The following SIAH2 variants were observed in gnomAD, a reference collection of about 807,000 sequenced individuals.
The protein encoded by SIAH2 is E3 ubiquitin-protein ligase SIAH2.
In SIAH2, 4 loss-of-function variants were observed where a neutral mutation model predicts 20.4. The ratio of observed to expected loss-of-function variants is 0.20; its 90% CI spans 0.10 to 0.45. SIAH2 has a LOEUF of 0.45. SIAH2 is among the 20% of genes least tolerant of loss of function. SIAH2 has a pLI of 0.99. For synonymous variants in SIAH2, 171 were observed against 192.5 expected (o/e 0.89, Z 0.93); for missense variants, 259 against 440.3 (o/e 0.59, Z 3.69).
At chr3:150,755,104 C>T (rs1714455358) in intron 1 of SIAH2, among the ~76,000 whole-genome samples, 1 of 151,984 alleles carries the variant, frequency 6.6e-6, no homozygotes, top group African/African-American at 2.4e-5. Context: ...GTCCTCAAGG[C>T]AACCTTGAGG....
Position 150,741,921 on chromosome 3 carries a change from A to G in SIAH2, c.*220T>C. The G allele has an allele frequency of 1.8e-6, 1 of 557,224 alleles. No individual in the cohort carries two copies. Among genetic ancestry groups the G allele is most frequent in the Non-Finnish European group, 3.2e-6 (1 of 311,078 alleles). The allele number at this position is 557,224 out of a possible 1,614,324, so 34.5% of individuals were successfully genotyped here. A position where few individuals can be genotyped will look rare whatever the true frequency, so the allele number is the denominator to read the frequency against. On this transcript the variant is annotated 3_prime_UTR_variant, in exon 2 of 2. Coordinates refer to ENST00000312960, the MANE Select transcript of SIAH2 (RefSeq NM_005067.7). The stretch of plus-strand genomic sequence containing the variant: ...TACAATTCAATAAGAGTTGTTTTAG[A>G]TCACAGAACAGCATCCAAATCACCA...
chr3:150,743,997 T>C (rs1714157473), intron 1 of SIAH2, among the ~76,000 whole-genome samples: 1 of 151,220 alleles, frequency 6.6e-6, no homozygotes, highest in South Asian at 2.1e-4. Flanking sequence ...TTTTCTAAGA[T>C]GCTATGTCCA....
chr3:150,742,165 A>T lies in SIAH2; in HGVS notation c.951T>A (p.Val317=), dbSNP rs1714101516. The T allele has an allele frequency of 6.2e-7, 1 of 1,612,482 alleles. No homozygotes were observed. Among genetic ancestry groups the T allele is most frequent in the Admixed American group, 1.7e-5 (1 of 59,980 alleles). ...ATCATGGACAACATGTAGAAATAGT[A>T]ACATTGATTCCAAGGTTCCCATTAT... is the stretch of plus-strand genomic sequence containing the variant. ...FADNGNLGIN[V]TISTCCP Residue 317 remains valine, a synonymous_variant, in exon 2 of 2, where the codon GTT becomes GTA. Coordinates refer to ENST00000312960, the MANE Select transcript of SIAH2 (RefSeq NM_005067.7). The surrounding 1 kb of genome is among the most constrained non-coding windows in gnomAD (Gnocchi z 4.8).
At position 150,742,421 on chromosome 3, in the gene SIAH2, A is replaced by G. The variant is rs758387736; in HGVS notation, c.695T>C (p.Val232Ala). Reference protein sequence around the residue: ...QSCFGHHFMLVLEKQEKYEGH... With the variant: ...QSCFGHHFMLALEKQEKYEGH... ...TTCGTACTTCTCTTGTTTCTCCAGC[A>G]CCAGCATGAAGTGATGGCCAAAACA... The change falls in exon 2 of 2, where the codon GTG (valine) becomes GCG (alanine). Residue 232 changes from valine (V) to alanine (A), a missense_variant. Around this residue, in one of 2 missense-constraint regions of SIAH2, gnomAD observed 160 missense variants for 327.6 expected, o/e 0.49. Transcript: ENST00000312960. The surrounding 1 kb of genome is among the most constrained non-coding windows in gnomAD (Gnocchi z 4.8). The G allele has an allele frequency of 6.2e-7, 1 of 1,614,094 alleles. No individual in the cohort carries two copies. Among genetic ancestry groups the G allele is most frequent in the African/African-American group, 1.3e-5 (1 of 74,938 alleles).
intron 1 of SIAH2, among the ~76,000 whole-genome samples, chr3:150,752,499 A>C (rs1378955232): frequency 6.6e-6 from 1 of 152,088 alleles, no homozygotes; most frequent in Non-Finnish European, 1.5e-5. Flanking sequence ...ATGCCAGCTA[A>C]TCGGGAGGCT....
intron 1 of SIAH2, among the ~76,000 whole-genome samples, chr3:150,745,501 C>CT (rs528343423): frequency 0.048 from 6,908 of 144,674 alleles, 383 homozygotes; most frequent in African/African-American, 0.13. Context: ...GTTTTCTTTT[C>CT]TTTTTTTTTT....
Position 150,742,352 on chromosome 3 carries a change from C to T in SIAH2, c.764G>A (p.Arg255His), listed in dbSNP as rs762000043. 6.2e-6 allele frequency: 10 copies of T among 1,614,044 alleles called. No individual in the cohort carries two copies. The African/African-American group carries it at 9.3e-5, about 15-fold the overall frequency. The change falls in exon 2 of 2, where the codon CGC becomes CAC. Residue 255 changes from arginine (R) to histidine (H), a missense_variant. Around this residue, in one of 2 missense-constraint regions of SIAH2, gnomAD observed 160 missense variants for 327.6 expected, o/e 0.49. Transcript: ENST00000312960. The surrounding 1 kb of genome is among the most constrained non-coding windows in gnomAD (Gnocchi z 4.8). ...FFAIVLLIGT[R>H]KQAENFAYRL... ...GTAGGCAAAGTTCTCGGCTTGCTTGCGGGTGCCAATGAGCAGGACGATGGC... is the reference window on the plus strand; with the variant it reads ...GTAGGCAAAGTTCTCGGCTTGCTTGTGGGTGCCAATGAGCAGGACGATGGC...
intron 1 of SIAH2, among the ~76,000 whole-genome samples, chr3:150,747,770 A>G (rs1049943540): frequency 4.6e-5 from 7 of 152,016 alleles, no homozygotes; most frequent in South Asian, 2.1e-4. Context: ...GTGAAACCCC[A>G]TCTCTACTAA....
In SIAH2 at chr3:150,761,598, A is replaced by T. The variant is rs73010942; in HGVS notation, c.417+835T>A. Among the ~76,000 whole-genome samples, 202 of 152,320 alleles carry T rather than the reference A, an allele frequency of 1.3e-3. 2 individuals are homozygous for T. The highest frequency in any genetic ancestry group is 4.5e-3 in the African/African-American group (189 of 41,558). ...GCGAGGGTGTATGTATATATAGTTT[A>T]AAAAGATACACACTAAACCTAACAA... On this transcript the variant is annotated intron_variant, in intron 1 of 1. Coordinates refer to ENST00000312960, the MANE Select transcript of SIAH2 (RefSeq NM_005067.7).
At chr3:150,749,584 G>A (rs1220235064) in intron 1 of SIAH2, among the ~76,000 whole-genome samples, 2 of 152,148 alleles carry the variant, frequency 1.3e-5, no homozygotes, top group Non-Finnish European at 1.5e-5. Context: ...GACAGAAATG[G>A]TTTATGCAGA....
intron 1 of SIAH2, among the ~76,000 whole-genome samples, chr3:150,745,466 C>T (rs1217874253): frequency 2.6e-5 from 4 of 151,912 alleles, no homozygotes; most frequent in African/African-American, 7.3e-5. Context: ...AGCCAAGTCT[C>T]ACTGGCCCCT....
chr3:150,761,654 T>A (rs1180575307), intron 1 of SIAH2, among the ~76,000 whole-genome samples: 1 of 152,214 alleles, frequency 6.6e-6, no homozygotes, highest in African/African-American at 2.4e-5. Flanking sequence ...GATCTTGGTC[T>A]TTCATTTTAC....
chr3:150,745,240 T>TACACACACAC (rs5853495), intron 1 of SIAH2, among the ~76,000 whole-genome samples: 2,624 of 140,618 alleles, frequency 0.019, 29 homozygotes, highest in East Asian at 0.044. Context: ...TTTAACCCCC[T>TACACACACAC]ACACACACAC....
At chr3:150,759,645 C>T (rs551618935) in intron 1 of SIAH2, among the ~76,000 whole-genome samples, 1 of 151,550 alleles carries the variant, frequency 6.6e-6, no homozygotes, top group South Asian at 2.1e-4. Flanking sequence ...TGTGATTTGA[C>T]AAGTCACTTC....
intron 1 of SIAH2, among the ~76,000 whole-genome samples, chr3:150,746,884 T>C (rs1714225545): frequency 6.6e-6 from 1 of 152,172 alleles, no homozygotes; most frequent in Non-Finnish European, 1.5e-5. Flanking sequence ...AATCAGAACA[T>C]GATCGCTAGC....
intron 1 of SIAH2, among the ~76,000 whole-genome samples, chr3:150,752,690 C>T (rs991406508): frequency 2.6e-5 from 4 of 152,116 alleles, no homozygotes; most frequent in African/African-American, 9.7e-5. Context: ...TATTCTTCTC[C>T]GGCCCCGCAA....
At chr3:150,757,200 C>G (rs967730383) in intron 1 of SIAH2, among the ~76,000 whole-genome samples, 1 of 152,070 alleles carries the variant, frequency 6.6e-6, no homozygotes, top group Non-Finnish European at 1.5e-5. Context: ...AAAGCCAGGA[C>G]GAGAACCCAG....
Position 150,755,215 on chromosome 3 carries a change from T to C in SIAH2, c.417+7218A>G, listed in dbSNP as rs555150575. The stretch of plus-strand genomic sequence containing the variant: ...AAAACTGCCAGAGTTAGAGGGATCC[T>C]GGGGGTAAAAGGGACCCAAAGATAC... On this transcript the variant is annotated intron_variant, in intron 1 of 1. Transcript: ENST00000312960. 1.1e-4 allele frequency among the ~76,000 whole-genome samples: 16 copies of C among 151,926 alleles called. No individual in the cohort carries two copies. The East Asian group carries it at 3.1e-3, about 29-fold the overall frequency.
Position 150,742,969 on chromosome 3 carries a change from TTC to T in SIAH2, c.418-273_418-272del, listed in dbSNP as rs978136595. Among the ~76,000 whole-genome samples, 118 of 152,312 alleles carry T rather than the reference TTC, an allele frequency of 7.7e-4. No homozygotes were observed. Among genetic ancestry groups the T allele is most frequent in the African/African-American group, 2.7e-3 (111 of 41,558 alleles). On this transcript the variant is annotated intron_variant, in intron 1 of 1. Transcript: ENST00000312960. The surrounding 1 kb of genome is among the most constrained non-coding windows in gnomAD (Gnocchi z 4.8). ...GCTGTCAAAGGGATCAGAACTAAAG[TTC>T]TCTTACTGTGCACATCTCAAAATTG...
Sources: gnomAD v4.1 joint callset for allele counts (sites outside exome capture counted in the v4.1 genomes callset) on GRCh38, gnomAD v4.1.1 for gene constraint, gnomAD v4.1.1 regional missense constraint, Gnocchi (gnomAD v3.1) non-coding constraint, MANE v1.5 for transcripts, NCBI Gene and HGNC (gene_info 2026-07-23, HGNC 2026-07-21) for gene names.